The following LRMDA variants were observed in gnomAD, a reference collection of about 807,000 sequenced individuals.
LRMDA encodes leucine rich melanocyte differentiation associated, also known as leucine-rich melanocyte differentiation-associated protein.
In LRMDA, 18 loss-of-function variants were observed where a neutral mutation model predicts 29.8. The observed-to-expected ratio is 0.60, with a 90% CI of 0.42 to 0.90. The LOEUF is 0.90. Among genes scored for constraint, LRMDA ranks in the 40% least tolerant of loss-of-function variants. The probability of loss-of-function intolerance (pLI) is 0.00; values close to 1 mark genes in which losing one functional copy is unlikely to be tolerated. For missense variants in LRMDA, 273 were observed against 273.9 expected (o/e 1.00, Z 0.02); for synonymous variants, 125 against 109.4 (o/e 1.14, Z -0.89).
intron 5 of LRMDA, among the ~76,000 whole-genome samples, chr10:76,248,659 C>T (rs1852419636): frequency 6.6e-6 from 1 of 152,284 alleles, no homozygotes; most frequent in South Asian, 2.1e-4. Flanking sequence ...AGTATGAGTT[C>T]AGTTTAGTTT....
At chr10:76,235,464 A>G (rs1852134854) in intron 5 of LRMDA, among the ~76,000 whole-genome samples, 1 of 152,190 alleles carries the variant, frequency 6.6e-6, no homozygotes, top group Non-Finnish European at 1.5e-5. Flanking sequence ...CAGGGTTGCC[A>G]CAAATCCTTC....
intron 2 of LRMDA, among the ~76,000 whole-genome samples, chr10:76,027,180 G>A (rs1848076353): frequency 6.6e-6 from 1 of 152,046 alleles, no homozygotes; most frequent in South Asian, 2.1e-4. Context: ...TTTGAATCTG[G>A]CACCTGGAAT....
At chr10:76,348,852 G>C (rs1841140669) in intron 6 of LRMDA, among the ~76,000 whole-genome samples, 1 of 152,340 alleles carries the variant, frequency 6.6e-6, no homozygotes, top group East Asian at 1.9e-4. Flanking sequence ...GACATTTGCT[G>C]TGAAAAGCCA....
chr10:75,728,426 C>CCG (rs1023200552), intron 2 of LRMDA, among the ~76,000 whole-genome samples: 13 of 138,192 alleles, frequency 9.4e-5, no homozygotes, highest in Admixed American at 2.2e-4. Flanking sequence ...ATACGTGGCT[C>CCG]TGTGTGTGTG....
At chr10:75,888,642 C>T (rs1845431360) in intron 2 of LRMDA, among the ~76,000 whole-genome samples, 1 of 152,186 alleles carries the variant, frequency 6.6e-6, no homozygotes, top group South Asian at 2.1e-4. Flanking sequence ...TAGGCTCGGG[C>T]TGACTGGAGA....
intron 6 of LRMDA, among the ~76,000 whole-genome samples, chr10:76,345,323 C>T (rs574037957): frequency 6.6e-6 from 1 of 150,820 alleles, no homozygotes; most frequent in Non-Finnish European, 1.5e-5. Context: ...CCGCCCGCCT[C>T]GGCCTCCCAA....
chr10:75,775,680 CTGTT>C (rs1448831381), intron 2 of LRMDA, among the ~76,000 whole-genome samples: 1 of 152,228 alleles, frequency 6.6e-6, no homozygotes, highest in Non-Finnish European at 1.5e-5. Flanking sequence ...TGAGGAGTCT[CTGTT>C]TGAGCTACTC....
chr10:75,921,394 T>C (rs536538094), intron 2 of LRMDA, among the ~76,000 whole-genome samples: 2 of 152,258 alleles, frequency 1.3e-5, no homozygotes, highest in Non-Finnish European at 2.9e-5. Context: ...CCTAGTTCTG[T>C]ATGTAATCAC....
intron 5 of LRMDA, among the ~76,000 whole-genome samples, chr10:76,177,675 A>G (rs1850966357): frequency 6.6e-6 from 1 of 152,166 alleles, no homozygotes; most frequent in Admixed American, 6.5e-5. Flanking sequence ...ATTAGTAACC[A>G]TTTTGCTCCT....
intron 6 of LRMDA, among the ~76,000 whole-genome samples, chr10:76,394,953 G>A (rs1841765723): frequency 6.6e-6 from 1 of 152,116 alleles, no homozygotes; most frequent in African/African-American, 2.4e-5. Flanking sequence ...CAGCAAAAGA[G>A]ATGTGATCCC....
intron 2 of LRMDA, among the ~76,000 whole-genome samples, chr10:75,509,204 C>G (rs528840553): frequency 8.5e-5 from 13 of 152,140 alleles, no homozygotes; most frequent in Admixed American, 5.9e-4. Context: ...TCTCCTACCC[C>G]GTTCGTGGTG....
chr10:75,910,542 A>G (rs1044654010), intron 2 of LRMDA, among the ~76,000 whole-genome samples: 1 of 152,192 alleles, frequency 6.6e-6, no homozygotes, highest in Non-Finnish European at 1.5e-5. Flanking sequence ...GAAATGTAAC[A>G]TACACTCTGG....
At chr10:75,845,427 T>A (rs1246822533) in intron 2 of LRMDA, among the ~76,000 whole-genome samples, 1 of 152,210 alleles carries the variant, frequency 6.6e-6, no homozygotes, top group East Asian at 1.9e-4. Flanking sequence ...CACTCCAGCT[T>A]TTGCCTGGCT....
At position 75,478,916 on chromosome 10, in the gene LRMDA, A is replaced by C. The variant is rs141815892; in HGVS notation, c.131+40422A>C. On this transcript the variant is annotated intron_variant, in intron 2 of 6. Coordinates refer to ENST00000611255, the MANE Select transcript of LRMDA (RefSeq NM_001305581.2). The stretch of plus-strand genomic sequence containing the variant: ...TGCTGACCTCACTCCCCGCCCTGCC[A>C]TGTACATCCTCTGTGTACCCTGGGA... Among the ~76,000 whole-genome samples, 464 of 152,252 alleles carry C rather than the reference A, an allele frequency of 3.0e-3. 1 individual carries two copies. The highest frequency in any genetic ancestry group is 5.2e-3 in the Non-Finnish European group (351 of 68,010).
intron 6 of LRMDA, among the ~76,000 whole-genome samples, chr10:76,427,560 T>C (rs185458927): frequency 9.3e-4 from 142 of 152,314 alleles, no homozygotes; most frequent in African/African-American, 3.4e-3. Context: ...CAGGGACAAT[T>C]AGACTTCCTC....
intron 5 of LRMDA, among the ~76,000 whole-genome samples, chr10:76,137,811 C>CTTGG (rs1195553417): frequency 1.3e-5 from 2 of 150,290 alleles, no homozygotes; most frequent in African/African-American, 4.9e-5. Context: ...TAAACTTTGA[C>CTTGG]TTGGGGTGAC....
intron 2 of LRMDA, among the ~76,000 whole-genome samples, chr10:75,844,317 G>A (rs1844595227): frequency 6.6e-6 from 1 of 152,090 alleles, no homozygotes; most frequent in Non-Finnish European, 1.5e-5. Context: ...AGGCTATTTG[G>A]AGGACAGGCG....
chr10:76,507,725 T>C (rs915400549), intron 6 of LRMDA, among the ~76,000 whole-genome samples: 1 of 152,152 alleles, frequency 6.6e-6, no homozygotes, highest in African/African-American at 2.4e-5. Context: ...GTGTCCAGTT[T>C]TTCCCACACC....
At chr10:76,444,923 A>G (rs1461281365) in intron 6 of LRMDA, among the ~76,000 whole-genome samples, 1 of 152,128 alleles carries the variant, frequency 6.6e-6, no homozygotes, top group Non-Finnish European at 1.5e-5. Flanking sequence ...ATATATACAT[A>G]TATGTTCATG....
Sources: gnomAD v4.1 joint callset for allele counts (sites outside exome capture counted in the v4.1 genomes callset) on GRCh38, gnomAD v4.1.1 for gene constraint, MANE v1.5 for transcripts, NCBI Gene and HGNC (gene_info 2026-07-23, HGNC 2026-07-21) for gene names.